UMAD1: variants seen among roughly 807,000 people sequenced by gnomAD.
UMAD1 encodes the protein UBAP1-MVB12-associated (UMA)-domain containing protein 1.
In UMAD1, 8 loss-of-function variants were observed where a neutral mutation model predicts 6.1. The ratio of observed to expected loss-of-function variants is 1.30; its 90% confidence interval spans 0.76 to 2.35. UMAD1 has a LOEUF of 2.35. UMAD1 is among the 30% of genes most tolerant of loss of function. The pLI, the probability that UMAD1 is intolerant of heterozygous loss-of-function variation, is 0.00. For missense variants in UMAD1, 130 were observed against 78.4 expected, an observed-to-expected ratio of 1.66 and a Z score of -2.49; for synonymous variants, 56 against 31.4, an observed-to-expected ratio of 1.78 and a Z score of -2.61.
At chr7:7,711,308 G>A (rs879187946) in intron 2 of UMAD1, among the ~76,000 whole-genome samples, 2 of 152,140 alleles carry the variant, frequency 1.3e-5, no homozygotes, top group Admixed American at 6.5e-5. Context: ...AAACATCCTT[G>A]TACATGTCTC....
At chr7:7,863,089 C>T (rs530713198) in intron 3 of UMAD1, among the ~76,000 whole-genome samples, 2 of 152,098 alleles carry the variant, frequency 1.3e-5, no homozygotes, top group South Asian at 2.1e-4. Context: ...GTGGCATCGA[C>T]ATTGTTACGA....
rs962394653 is a variant in UMAD1 at position 7,807,170 on chromosome 7, C to T, written c.156+5427C>T. 1.4e-4 allele frequency among the ~76,000 whole-genome samples: 21 copies of T among 152,150 alleles called. 1 individual carries two copies. The highest frequency in any genetic ancestry group is 4.1e-4 in the South Asian group (2 of 4,824). ...AAAGTGAAATAAAATAAGTTCCTTACGCGTCATAACTACAAAGGTAGCTGT... is the reference window on the plus strand; with the variant it reads ...AAAGTGAAATAAAATAAGTTCCTTATGCGTCATAACTACAAAGGTAGCTGT... On this transcript the variant is annotated intron_variant, in intron 3 of 3. Coordinates refer to ENST00000682710, the MANE Select transcript of UMAD1 (RefSeq NM_001302348.2).
At position 7,851,341 on chromosome 7, in the gene UMAD1, C is replaced by A. The variant is rs527720370; in HGVS notation, c.157-25940C>A. 2.0e-5 allele frequency among the ~76,000 whole-genome samples: 3 copies of A among 152,264 alleles called. No homozygotes were observed. The East Asian group carries it at 5.8e-4, about 29-fold the overall frequency. On this transcript the variant is annotated intron_variant, in intron 3 of 3. Coordinates refer to ENST00000682710, the MANE Select transcript of UMAD1 (RefSeq NM_001302348.2). ...TATTTGAGTTGTTTTCACCTTTTGA[C>A]TATTGTAAATAATACTATTCTGAAC...
intron 3 of UMAD1, among the ~76,000 whole-genome samples, chr7:7,832,833 G>A (rs1783491149): frequency 6.6e-6 from 1 of 152,106 alleles, no homozygotes; most frequent in Admixed American, 6.5e-5. Context: ...GGATTCAGTG[G>A]AGGTGGTGAT....
intron 1 of UMAD1, among the ~76,000 whole-genome samples, chr7:7,646,722 C>T (rs544777861): frequency 2.2e-4 from 33 of 151,934 alleles, no homozygotes; most frequent in African/African-American, 7.0e-4. Context: ...CCTTGGAGTT[C>T]GGCTGTCCCA....
chr7:7,670,616 C>T (rs1779582614), intron 1 of UMAD1, among the ~76,000 whole-genome samples: 1 of 152,198 alleles, frequency 6.6e-6, no homozygotes, highest in Non-Finnish European at 1.5e-5. Context: ...TCAGATATAG[C>T]ATCATGCTCA....
At chr7:7,794,325 C>T (rs1156903592) in intron 2 of UMAD1, among the ~76,000 whole-genome samples, 1 of 152,102 alleles carries the variant, frequency 6.6e-6, no homozygotes, top group Non-Finnish European at 1.5e-5. Context: ...GAAAAAGGAA[C>T]AGATGGAGAC....
At chr7:7,695,573 C>A (rs1780293403) in intron 2 of UMAD1, among the ~76,000 whole-genome samples, 2 of 152,234 alleles carry the variant, frequency 1.3e-5, no homozygotes, top group South Asian at 4.1e-4. Flanking sequence ...TTTTCATGTT[C>A]TTTGGCACTA....
chr7:7,790,417 C>T (rs1452227341), intron 2 of UMAD1, among the ~76,000 whole-genome samples: 3 of 152,158 alleles, frequency 2.0e-5, no homozygotes, highest in East Asian at 1.9e-4. Flanking sequence ...ATTCTGTCTG[C>T]GTATTGTAGC....
intron 2 of UMAD1, among the ~76,000 whole-genome samples, chr7:7,731,612 T>C (rs965460709): frequency 6.6e-6 from 1 of 152,136 alleles, no homozygotes; most frequent in African/African-American, 2.4e-5. Flanking sequence ...TTATGGTAAT[T>C]AACCCAAAAG....
chr7:7,782,734 CTTTT>C (rs777169882), intron 2 of UMAD1, among the ~76,000 whole-genome samples: 1 of 127,128 alleles, frequency 7.9e-6, no homozygotes, highest in East Asian at 2.1e-4. Context: ...TAACCTCTCT[CTTTT>C]TTTTTTTTTT....
chr7:7,789,635 C>T (rs1413503669), intron 2 of UMAD1, among the ~76,000 whole-genome samples: 1 of 150,130 alleles, frequency 6.7e-6, no homozygotes, highest in Admixed American at 6.6e-5. Flanking sequence ...CCCCACAGAC[C>T]CTGGAAACCA....
chr7:7,820,897 G>C (rs971070218), intron 3 of UMAD1, among the ~76,000 whole-genome samples: 2 of 152,072 alleles, frequency 1.3e-5, no homozygotes, highest in African/African-American at 4.8e-5. Flanking sequence ...GGGTGATTTG[G>C]CTGATAATTA....
chr7:7,675,726 AT>A (rs1779722148), intron 2 of UMAD1, among the ~76,000 whole-genome samples: 5 of 152,294 alleles, frequency 3.3e-5, no homozygotes, highest in African/African-American at 1.2e-4. Context: ...CCAGCACCAT[AT>A]GTCTAGCAGT....
chr7:7,818,415 A>C (rs973701248), intron 3 of UMAD1, among the ~76,000 whole-genome samples: 1 of 152,208 alleles, frequency 6.6e-6, no homozygotes, highest in Non-Finnish European at 1.5e-5. Flanking sequence ...TATGAAAAAA[A>C]GCTCAACATC....
At chr7:7,797,889 G>A (rs1325393952) in intron 2 of UMAD1, among the ~76,000 whole-genome samples, 1 of 152,106 alleles carries the variant, frequency 6.6e-6, no homozygotes, top group Non-Finnish European at 1.5e-5. Context: ...GTTTCACCAT[G>A]TTGGCCAGGC....
chr7:7,680,833 T>C (rs1411172997), intron 2 of UMAD1, among the ~76,000 whole-genome samples: 1 of 152,144 alleles, frequency 6.6e-6, no homozygotes, highest in Non-Finnish European at 1.5e-5. Context: ...CTTGGTTTCT[T>C]TTTCAAATTG....
At chr7:7,690,627 T>C (rs1780151326) in intron 2 of UMAD1, among the ~76,000 whole-genome samples, 1 of 152,170 alleles carries the variant, frequency 6.6e-6, no homozygotes, top group Non-Finnish European at 1.5e-5. Flanking sequence ...CAGCCACATA[T>C]GTAAATATTT....
chr7:7,754,196 G>GA (rs528950749), intron 2 of UMAD1, among the ~76,000 whole-genome samples: 8 of 151,272 alleles, frequency 5.3e-5, no homozygotes, highest in South Asian at 4.2e-4. Context: ...AAAAAAGAAA[G>GA]AAAAAAAACA....
Sources: gnomAD v4.1 joint callset for allele counts (sites outside exome capture counted in the v4.1 genomes callset) on GRCh38, gnomAD v4.1.1 for gene constraint, MANE v1.5 for transcripts, NCBI Gene and HGNC (gene_info 2026-07-23, HGNC 2026-07-21) for gene names.